Variants in AKT3 observed in about 807,000 individuals in gnomAD.
AKT3 encodes the protein AKT serine/threonine kinase 3.
AKT3 carries 15 observed loss-of-function variants against 65.3 expected under a neutral mutation model. The observed-to-expected ratio is 0.23, with a 90% confidence interval of 0.15 to 0.35. The LOEUF is 0.35. Among genes scored for constraint, AKT3 ranks in the 10% least tolerant of loss-of-function variants. AKT3 has a pLI of 1.00. For synonymous variants in AKT3, 206 were observed against 183.8 expected, an observed-to-expected ratio of 1.12 and a Z score of -0.98; for missense variants, 243 against 576.5, an observed-to-expected ratio of 0.42 and a Z score of 5.92.
chr1:243,488,785 G>C (rs924106165), intron 13 of AKT3, among the ~76,000 whole-genome samples: 6 of 152,062 alleles, frequency 3.9e-5, no homozygotes, highest in Non-Finnish European at 4.4e-5. Flanking sequence ...TTTTCTAATT[G>C]ATAGTGTACT....
chr1:243,833,462 T>C (rs969446143), intron 2 of AKT3, among the ~76,000 whole-genome samples: 11 of 150,164 alleles, frequency 7.3e-5, no homozygotes, highest in Admixed American at 3.9e-4. Context: ...TCAGATCTCA[T>C]GAGAACTCGA....
chr1:243,642,515 T>G (rs376344250), intron 5 of AKT3, among the ~76,000 whole-genome samples: 1 of 152,114 alleles, frequency 6.6e-6, no homozygotes, highest in Non-Finnish European at 1.5e-5. Context: ...TTCACCGTGT[T>G]AGCCAGGATG....
intron 12 of AKT3, among the ~76,000 whole-genome samples, chr1:243,513,684 C>T (rs886501823): frequency 2.6e-5 from 4 of 152,194 alleles, no homozygotes; most frequent in African/African-American, 9.7e-5. Flanking sequence ...TGTTTACCCC[C>T]AGCACACAGC....
chr1:243,684,202 G>C (rs376749193), intron 3 of AKT3, among the ~76,000 whole-genome samples: 4 of 151,742 alleles, frequency 2.6e-5, no homozygotes, highest in Non-Finnish European at 5.9e-5. Context: ...TACATGTGCA[G>C]AACGTGCAGG....
chr1:243,589,306 CAAAAAA>C (rs758254217), intron 8 of AKT3, among the ~76,000 whole-genome samples: 2 of 40,886 alleles, frequency 4.9e-5, no homozygotes, highest in Non-Finnish European at 9.9e-5. Context: ...AACTCCATCT[CAAAAAA>C]AAAAAAAAAA....
At chr1:243,845,718 A>C (rs534541168) in intron 1 of AKT3, among the ~76,000 whole-genome samples, 1 of 152,180 alleles carries the variant, frequency 6.6e-6, no homozygotes, top group Non-Finnish European at 1.5e-5. Context: ...AAAAATCCAT[A>C]CATACATATA....
intron 11 of AKT3, among the ~76,000 whole-genome samples, chr1:243,550,838 A>C (rs1673009624): frequency 7.2e-6 from 1 of 139,316 alleles, no homozygotes; most frequent in Non-Finnish European, 1.5e-5. Context: ...AGGCGCCTGT[A>C]GTCCCAGCTA....
intron 2 of AKT3, among the ~76,000 whole-genome samples, chr1:243,769,614 T>A (rs949531294): frequency 1.3e-5 from 2 of 152,192 alleles, no homozygotes; most frequent in South Asian, 2.1e-4. Context: ...ATTCATATTG[T>A]CTATTCAGAT....
At chr1:243,663,501 T>C (rs1682539509) in intron 4 of AKT3, among the ~76,000 whole-genome samples, 1 of 151,828 alleles carries the variant, frequency 6.6e-6, no homozygotes, top group Non-Finnish European at 1.5e-5. Context: ...GGGTAAGAGT[T>C]CGGGGACCCA....
At chr1:243,733,120 A>C (rs1687654683) in intron 2 of AKT3, among the ~76,000 whole-genome samples, 1 of 152,220 alleles carries the variant, frequency 6.6e-6, no homozygotes, top group Admixed American at 6.5e-5. Flanking sequence ...ACTCCAAGTA[A>C]AATGACCAGT....
Position 243,813,143 on chromosome 1 carries a change from G to A in AKT3, c.46+29982C>T, listed in dbSNP as rs186776530. Among the ~76,000 whole-genome samples, 170 of 151,998 alleles carry A rather than the reference G, an allele frequency of 1.1e-3. 3 individuals are homozygous for A. In the East Asian group the frequency reaches 0.022, roughly 20 times the overall value. On this transcript the variant is annotated intron_variant, in intron 2 of 13. Transcript: ENST00000673466. ...GTATACATATGTAACAAACCTGCAC[G>A]TTGTGCACATGTACCCTAGAACTTA...
chr1:243,650,300 A>T (rs1425005388), intron 4 of AKT3, among the ~76,000 whole-genome samples: 2 of 152,056 alleles, frequency 1.3e-5, no homozygotes, highest in Admixed American at 6.5e-5. Context: ...TAGATTCTGG[A>T]TATTAGCCCT....
intron 8 of AKT3, among the ~76,000 whole-genome samples, chr1:243,602,970 G>A (rs188485543): frequency 6.6e-6 from 1 of 152,202 alleles, no homozygotes; most frequent in Non-Finnish European, 1.5e-5. Context: ...GTAAGATTTT[G>A]GAAACAAGTC....
chr1:243,548,304 T>C (rs1672816383), intron 11 of AKT3: 1 of 152,234 alleles, frequency 6.6e-6, no homozygotes, highest in African/African-American at 2.4e-5. Flanking sequence ...ATCATAATCA[T>C]TTTGTAAATA....
intron 2 of AKT3, among the ~76,000 whole-genome samples, chr1:243,765,582 T>C (rs1689771606): frequency 6.6e-6 from 1 of 152,156 alleles, no homozygotes; most frequent in South Asian, 2.1e-4. Context: ...AGTTATATGA[T>C]GTATTATTAG....
At chr1:243,824,517 G>A (rs530356017) in intron 2 of AKT3, among the ~76,000 whole-genome samples, 1 of 151,908 alleles carries the variant, frequency 6.6e-6, no homozygotes, top group Non-Finnish European at 1.5e-5. Context: ...TCTGACAAAG[G>A]GCTAATATTC....
In AKT3 at chr1:243,625,042, G is replaced by A. The variant is rs575950476; in HGVS notation, c.562-9881C>T. 106 of 351,934 alleles carry A rather than the reference G, an allele frequency of 3.0e-4. 4 individuals are homozygous for A. In the South Asian group the frequency reaches 3.1e-3, roughly 10 times the overall value. The allele number at this position is 351,934 out of a possible 1,614,324, so 21.8% of individuals were successfully genotyped here. On this transcript the variant is annotated intron_variant, in intron 6 of 13. Coordinates refer to ENST00000673466, the MANE Select transcript of AKT3 (RefSeq NM_005465.7). ...TGTCGGTCAGCTTCCAGGTATTACA[G>A]AAAGCCTCCTCCACCCTTGCCCTTT...
chr1:243,824,620 G>A (rs1048099796), intron 2 of AKT3, among the ~76,000 whole-genome samples: 2 of 151,888 alleles, frequency 1.3e-5, no homozygotes, highest in Non-Finnish European at 2.9e-5. Flanking sequence ...TTCAAAAGAA[G>A]GCATACATGC....
intron 8 of AKT3, among the ~76,000 whole-genome samples, chr1:243,606,215 CA>C (rs1236372668): frequency 2.6e-5 from 4 of 151,986 alleles, no homozygotes; most frequent in Non-Finnish European, 5.9e-5. Context: ...TAAAGATACC[CA>C]AAAATGTAAA....
Sources: allele counts gnomAD v4.1 joint callset (sites outside exome capture counted in the v4.1 genomes callset), GRCh38; gene constraint gnomAD v4.1.1; transcripts MANE v1.5; gene names NCBI Gene and HGNC (gene_info 2026-07-23, HGNC 2026-07-21).